Variants in RBM20 observed in about 807,000 individuals in gnomAD.
RBM20 encodes RNA binding motif protein 20.
In RBM20, 51 loss-of-function variants were observed where a neutral mutation model predicts 110.1. The ratio of observed to expected loss-of-function variants is 0.46; its 90% CI spans 0.37 to 0.59. RBM20 has a LOEUF of 0.59. Among genes scored for constraint, RBM20 ranks in the 20% least tolerant of loss-of-function variants. The pLI is 0.00. For missense variants in RBM20, 1,512 were observed against 1,574.9 expected (o/e 0.96, Z 0.68); for synonymous variants, 589 against 618.2 (o/e 0.95, Z 0.70).
At chr10:110,833,597 G>A (rs985193083) in intron 13 of RBM20, among the ~76,000 whole-genome samples, 8 of 152,080 alleles carry the variant, frequency 5.3e-5, no homozygotes, top group Non-Finnish European at 8.8e-5. Context: ...AGGTCACCTC[G>A]GAAGTTAGGA....
chr10:110,780,073 G>C (rs976452510), intron 1 of RBM20, among the ~76,000 whole-genome samples: 4 of 152,140 alleles, frequency 2.6e-5, no homozygotes, highest in African/African-American at 9.7e-5. Context: ...GTGAGGTGGG[G>C]GGAGCACGTA....
At chr10:110,823,366 G>T in intron 11 of RBM20, 114 bp from the exon 12 acceptor site, 1 of 1,336,346 alleles carries the variant, frequency 7.5e-7, no homozygotes, top group Non-Finnish European at 1.0e-6. Context: ...GCAGTCCAAG[G>T]AACAATTCCC....
At chr10:110,687,042 G>C (rs202103811) in intron 1 of RBM20, among the ~76,000 whole-genome samples, 1 of 114,976 alleles carries the variant, frequency 8.7e-6, no homozygotes, top group Non-Finnish European at 1.9e-5. Context: ...GTCTCAAAAA[G>C]AAAAAAAAAA....
At chr10:110,652,485 G>C (rs567059003) in intron 1 of RBM20, among the ~76,000 whole-genome samples, 1 of 152,052 alleles carries the variant, frequency 6.6e-6, no homozygotes, top group Non-Finnish European at 1.5e-5. Context: ...TTTCCTAACC[G>C]TCTGTACCTG....
intron 1 of RBM20, among the ~76,000 whole-genome samples, chr10:110,701,760 T>A: frequency 6.6e-6 from 1 of 151,964 alleles, no homozygotes; most frequent in East Asian, 1.9e-4. Context: ...AATCTGAAAA[T>A]CTCCCAAGCC....
intron 1 of RBM20, among the ~76,000 whole-genome samples, chr10:110,728,578 C>A (rs1843588448): frequency 6.6e-6 from 1 of 152,122 alleles, no homozygotes; most frequent in South Asian, 2.1e-4. Flanking sequence ...GTAATTATGT[C>A]TGTGGTCTTG....
intron 9 of RBM20, among the ~76,000 whole-genome samples, chr10:110,815,407 G>C (rs1265848445): frequency 1.3e-5 from 2 of 152,222 alleles, no homozygotes; most frequent in Non-Finnish European, 2.9e-5. Flanking sequence ...TTAGGGAAGA[G>C]GGTGAGACTC....
In RBM20 at chr10:110,646,609, G is replaced by A. The variant is rs545350792; in HGVS notation, c.191+1964G>A. Among the ~76,000 whole-genome samples, 5 of 152,342 alleles carry A rather than the reference G, an allele frequency of 3.3e-5. No homozygotes were observed. In the South Asian group the frequency reaches 1.0e-3, roughly 32 times the overall value. On this transcript the variant is annotated intron_variant, in intron 1 of 13. Transcript: ENST00000369519. ...CTGACGTTTCAGTCTTTCTTTACAA[G>A]GATGATTTGGAGCTTGTGCTCTCCT...
intron 1 of RBM20, among the ~76,000 whole-genome samples, chr10:110,698,203 C>T (rs1317563425): frequency 1.3e-5 from 2 of 152,126 alleles, no homozygotes; most frequent in East Asian, 1.9e-4. Flanking sequence ...CCACCGCGCC[C>T]GGCCCTTGTT....
rs181001708 is a variant in RBM20 at position 110,761,797 on chromosome 10, C to T, written c.192-19004C>T. Among the ~76,000 whole-genome samples the T allele has an allele frequency of 5.9e-5, 9 of 152,336 alleles. No homozygotes were observed. In the East Asian group the frequency reaches 7.7e-4, roughly 13 times the overall value. On this transcript the variant is annotated intron_variant, in intron 1 of 13. Transcript: ENST00000369519. ...AGATTATCCCCGTCTATCCTGGTACCGGAAGAGACCCATAGTATCATAATA... is the reference window on the plus strand; with the variant it reads ...AGATTATCCCCGTCTATCCTGGTACTGGAAGAGACCCATAGTATCATAATA...
intron 1 of RBM20, among the ~76,000 whole-genome samples, chr10:110,710,840 A>T (rs899319363): frequency 2.6e-5 from 4 of 152,208 alleles, no homozygotes; most frequent in African/African-American, 9.6e-5. Context: ...TGTGAGTCCC[A>T]GGCTCTGGAC....
chr10:110,826,739 C>T (rs1384712014), intron 12 of RBM20, among the ~76,000 whole-genome samples: 6 of 152,106 alleles, frequency 3.9e-5, no homozygotes, highest in African/African-American at 9.6e-5. Context: ...CCTGCCACCA[C>T]GCCTGGCTAG....
chr10:110,748,070 G>C (rs1843805200), intron 1 of RBM20, among the ~76,000 whole-genome samples: 1 of 152,158 alleles, frequency 6.6e-6, no homozygotes, highest in Admixed American at 6.5e-5. Flanking sequence ...GTTTGAAGTA[G>C]AGAAATGAAA....
intron 7 of RBM20, among the ~76,000 whole-genome samples, chr10:110,800,233 C>A (rs775083846): frequency 6.6e-6 from 1 of 152,206 alleles, no homozygotes; most frequent in Non-Finnish European, 1.5e-5. Flanking sequence ...CAGGCATAAA[C>A]CCTTGAATAC....
intron 1 of RBM20, among the ~76,000 whole-genome samples, chr10:110,773,220 A>G (rs1264056713): frequency 1.3e-5 from 2 of 152,228 alleles, no homozygotes; most frequent in African/African-American, 2.4e-5. Flanking sequence ...ACACATGTGG[A>G]AAAATCCCTT....
At chr10:110,792,304 A>T (rs1844494892) in intron 5 of RBM20, among the ~76,000 whole-genome samples, 1 of 152,186 alleles carries the variant, frequency 6.6e-6, no homozygotes, top group Non-Finnish European at 1.5e-5. Context: ...AAGAATACAG[A>T]CTTTCTCTTA....
chr10:110,727,534 C>A (rs182295900), intron 1 of RBM20, among the ~76,000 whole-genome samples: 307 of 151,914 alleles, frequency 2.0e-3, no homozygotes, highest in Non-Finnish European at 3.7e-3. Flanking sequence ...TTTTAGTTGT[C>A]TGGTTGTTTA....
chr10:110,644,209 A>C (rs1000101432), upstream of RBM20, among the ~76,000 whole-genome samples: 197 of 152,118 alleles, frequency 1.3e-3, no homozygotes, highest in Middle Eastern at 0.01. The surrounding 1 kb of genome is among the most constrained non-coding windows in gnomAD (Gnocchi z 4.3). Flanking sequence ...GCCGCAGAGC[A>C]GCTCCCGCCG....
rs1259201107 is a variant in RBM20, at chr10:110,837,079, T to G, written c.*1101T>G. 6.6e-6 allele frequency: 1 copy of G among 152,152 alleles called. No homozygotes were observed. The highest frequency in any genetic ancestry group is 1.5e-5 in the Non-Finnish European group (1 of 68,070). The allele number at this position is 152,152 out of a possible 1,614,324, so 9.4% of individuals were successfully genotyped here. A position where few individuals can be genotyped will look rare whatever the true frequency, so the allele number is the denominator to read the frequency against. On this transcript the variant is annotated 3_prime_UTR_variant, in exon 14 of 14. Coordinates refer to ENST00000369519, the MANE Select transcript of RBM20 (RefSeq NM_001134363.3). ...GGATGGTTTTTAAATGGCCCCCCAG[T>G]TGGGGGAGAAGCTAAGGAAAGAGAA... is the stretch of plus-strand genomic sequence containing the variant.
Sources: gnomAD v4.1 joint callset for allele counts (sites outside exome capture counted in the v4.1 genomes callset) on GRCh38, gnomAD v4.1.1 for gene constraint, Gnocchi (gnomAD v3.1) non-coding constraint, MANE v1.5 for transcripts, NCBI Gene and HGNC (gene_info 2026-07-23, HGNC 2026-07-21) for gene names.